The following GPHN variants were observed in gnomAD, a reference collection of about 807,000 sequenced individuals.
GPHN encodes the protein gephyrin.
A neutral mutation model predicts 95.5 loss-of-function variants in GPHN; 17 were observed. The ratio of observed to expected loss-of-function variants is 0.18; its 90% CI spans 0.12 to 0.27. The LOEUF (loss-of-function observed/expected upper bound fraction) is 0.27, where lower values mean the gene tolerates loss of function less well. Among genes scored for constraint, GPHN ranks in the 10% least tolerant of loss-of-function variants. The pLI, the probability that GPHN is intolerant of heterozygous loss-of-function variation, is 1.00. For missense variants in GPHN, 660 were observed against 978.1 expected (o/e 0.67, Z 4.34); for synonymous variants, 320 against 322.5 (o/e 0.99, Z 0.08).
the GPHN span, among the ~76,000 whole-genome samples, chr14:67,314,703 C>T: frequency 6.6e-6 from 1 of 152,158 alleles, no homozygotes; most frequent in Non-Finnish European, 1.5e-5. Flanking sequence ...ATATAGATTC[C>T]AATGATGACA....
At chr14:67,027,155 T>C (rs1198138998) in intron 10 of GPHN, among the ~76,000 whole-genome samples, 13 of 152,232 alleles carry the variant, frequency 8.5e-5, no homozygotes, top group Non-Finnish European at 1.5e-5. Flanking sequence ...ATGACACTAT[T>C]GTCTTCTGTC....
At chr14:67,208,982 C>G in the GPHN span, among the ~76,000 whole-genome samples, 1 of 150,472 alleles carries the variant, frequency 6.6e-6, no homozygotes, top group South Asian at 2.1e-4. Context: ...TATGATGTAC[C>G]ATAAAAAAAT....
the GPHN span, chr14:67,280,018 T>C: frequency 6.6e-6 from 1 of 152,626 alleles, no homozygotes; most frequent in Non-Finnish European, 1.5e-5. Flanking sequence ...AATAATGGTA[T>C]TTTCTATATC....
the GPHN span, among the ~76,000 whole-genome samples, chr14:67,228,169 CAA>C: frequency 5.3e-4 from 34 of 64,032 alleles, no homozygotes; most frequent in Admixed American, 7.1e-4. Flanking sequence ...GACTTTGTCT[CAA>C]AAAAAAAAAA....
chr14:67,677,233 T>G, the GPHN span: 1 of 152,136 alleles, frequency 6.6e-6, no homozygotes, highest in Non-Finnish European at 1.5e-5. Flanking sequence ...GGCACAGACA[T>G]TTTAATCTTG....
At chr14:67,589,543 T>C in the GPHN span, 1 of 985,334 alleles carries the variant, frequency 1.0e-6, no homozygotes, top group Admixed American at 6.1e-5. Context: ...GGTAACTGTG[T>C]GTTTTGGAAG....
chr14:67,263,329 T>C, the GPHN span, among the ~76,000 whole-genome samples: 497 of 152,250 alleles, frequency 3.3e-3, 4 homozygotes, highest in African/African-American at 0.012. Flanking sequence ...AGGAAAATGG[T>C]GAAGTATGCA....
At chr14:67,424,378 G>A in the GPHN span, among the ~76,000 whole-genome samples, 10 of 151,970 alleles carry the variant, frequency 6.6e-5, no homozygotes, top group African/African-American at 2.4e-4. Context: ...AGCACTCTGG[G>A]AAGCTGAGGC....
intron 16 of GPHN, among the ~76,000 whole-genome samples, chr14:67,120,855 G>T (rs1047155808): frequency 6.6e-6 from 1 of 152,218 alleles, no homozygotes; most frequent in Admixed American, 6.5e-5. Flanking sequence ...AGTTAAATTA[G>T]TAAGTATTCG....
At chr14:66,576,632 C>CT (rs1295802607) in intron 1 of GPHN, among the ~76,000 whole-genome samples, 2 of 152,040 alleles carry the variant, frequency 1.3e-5, no homozygotes, top group Admixed American at 6.5e-5. Context: ...TATGCACAAT[C>CT]TAAGTTTATT....
At chr14:66,673,223 G>C (rs1314230531) in intron 1 of GPHN, among the ~76,000 whole-genome samples, 1 of 152,110 alleles carries the variant, frequency 6.6e-6, no homozygotes, top group Non-Finnish European at 1.5e-5. Flanking sequence ...CTCCCTAGTA[G>C]CTGGGACTAC....
At chr14:67,348,953 T>G in the GPHN span, 6 of 1,297,576 alleles carry the variant, frequency 4.6e-6, no homozygotes, top group Non-Finnish European at 6.6e-6. Flanking sequence ...AACTAGGACA[T>G]TAAGATCTTG....
chr14:66,876,939 C>A lies in GPHN; in HGVS notation c.295-3000C>A, dbSNP rs538624605. Reference sequence around the variant, plus strand: ...ATACCGAAACCTGAGAGAGACACAACAAAAAAAATTTCAGGCCAATATCCC... The same window carrying A: ...ATACCGAAACCTGAGAGAGACACAAAAAAAAAAATTTCAGGCCAATATCCC... On this transcript the variant is annotated intron_variant, in intron 4 of 22. Coordinates refer to ENST00000478722, the MANE Select transcript of GPHN (RefSeq NM_020806.5). Among the ~76,000 whole-genome samples, 83 of 151,840 alleles carry A rather than the reference C, an allele frequency of 5.5e-4. 1 individual carries two copies. Among genetic ancestry groups the A allele is most frequent in the Non-Finnish European group, 1.0e-3 (68 of 67,858 alleles).
the GPHN span, among the ~76,000 whole-genome samples, chr14:67,244,055 A>G: frequency 2.6e-5 from 4 of 152,224 alleles, no homozygotes; most frequent in Non-Finnish European, 5.9e-5. Flanking sequence ...AGATAAACCA[A>G]TAAGTTGCCT....
the GPHN span, among the ~76,000 whole-genome samples, chr14:67,682,311 A>G: frequency 6.6e-6 from 1 of 152,226 alleles, no homozygotes; most frequent in Admixed American, 6.5e-5. Flanking sequence ...TACCATTAAG[A>G]AAGTTAAAAG....
intron 2 of GPHN, chr14:66,761,082 A>G: frequency 2.4e-6 from 1 of 411,668 alleles, no homozygotes; most frequent in South Asian, 2.0e-5. Context: ...TGGAACTGCT[A>G]AATTATTAGT....
In GPHN at chr14:67,143,358, C is replaced by T. The variant is rs560674265; in HGVS notation, c.1749-4C>T. 6.3e-7 allele frequency: 1 copy of T among 1,591,930 alleles called. No individual in the cohort carries two copies. Among genetic ancestry groups the T allele is most frequent in the Non-Finnish European group, 8.6e-7 (1 of 1,160,010 alleles). ...TTAATTTCTTTGTCTTTATTTTTTT[C>T]CAGCCCAGATGACTTACTCAATGCC... On this transcript the variant is annotated splice_region_variant and splice_polypyrimidine_tract_variant and intron_variant, in intron 17 of 22. Coordinates refer to ENST00000478722, the MANE Select transcript of GPHN (RefSeq NM_020806.5).
At chr14:67,573,525 C>T in the GPHN span, 1 of 658,282 alleles carries the variant, frequency 1.5e-6, no homozygotes, top group Admixed American at 2.6e-5. The surrounding 1 kb of genome is among the most constrained non-coding windows in gnomAD (Gnocchi z 4.8). Flanking sequence ...GGCAACCTCA[C>T]TGGGCCCCTG....
At chr14:66,536,171 T>G (rs2059134889) in intron 1 of GPHN, among the ~76,000 whole-genome samples, 1 of 152,164 alleles carries the variant, frequency 6.6e-6, no homozygotes, top group Non-Finnish European at 1.5e-5. Context: ...AGACTGGCCT[T>G]GAACTCCTGG....
Sources: gnomAD v4.1 joint callset for allele counts (sites outside exome capture counted in the v4.1 genomes callset) on GRCh38, gnomAD v4.1.1 for gene constraint, Gnocchi (gnomAD v3.1) non-coding constraint, MANE v1.5 for transcripts, NCBI Gene and HGNC (gene_info 2026-07-23, HGNC 2026-07-21) for gene names.